The following ROBO2 variants were observed in gnomAD, a reference collection of about 807,000 sequenced individuals.
The protein encoded by ROBO2 is roundabout guidance receptor 2.
ROBO2 carries 53 observed loss-of-function variants against 160.8 expected under a neutral mutation model. The ratio of observed to expected loss-of-function variants is 0.33; its 90% CI spans 0.26 to 0.41. The LOEUF (loss-of-function observed/expected upper bound fraction) is 0.41, where lower values mean the gene tolerates loss of function less well. ROBO2 is among the 10% of genes least tolerant of loss of function. The probability of loss-of-function intolerance (pLI) is 1.00; values close to 1 mark genes in which losing one functional copy is unlikely to be tolerated. For synonymous variants in ROBO2, 664 were observed against 611.7 expected (o/e 1.09, Z -1.26); for missense variants, 1,577 against 1,722.4 (o/e 0.92, Z 1.49).
At chr3:77,098,188 G>A (rs905745028) in exon 2 of ROBO2, 18 of 1,614,110 alleles carry the variant, frequency 1.1e-5, no homozygotes, top group Non-Finnish European at 1.5e-5. Context: ...GACGATCCCC[G>A]GTCCCACAGG....
intron 2 of ROBO2, among the ~76,000 whole-genome samples, chr3:76,535,491 G>T (rs1350155207): frequency 1.3e-5 from 2 of 152,060 alleles, no homozygotes; most frequent in Non-Finnish European, 2.9e-5. Flanking sequence ...TCCCATACTT[G>T]CAGATTGAGG....
intron 2 of ROBO2, among the ~76,000 whole-genome samples, chr3:76,500,820 C>A (rs2080421330): frequency 6.6e-6 from 1 of 152,010 alleles, no homozygotes; most frequent in Admixed American, 6.6e-5. Context: ...TAATTTTGAA[C>A]AAGGGAAGAA....
At chr3:77,521,014 A>G (rs1187308731) in intron 5 of ROBO2, among the ~76,000 whole-genome samples, 1 of 151,264 alleles carries the variant, frequency 6.6e-6, no homozygotes, top group African/African-American at 2.4e-5. Context: ...AGGAAACAAG[A>G]TATGTATCAT....
intron 2 of ROBO2, among the ~76,000 whole-genome samples, chr3:76,635,225 G>C (rs1432403895): frequency 2.0e-5 from 3 of 152,140 alleles, no homozygotes; most frequent in South Asian, 2.1e-4. Context: ...CACTGATGCT[G>C]TCTGGCTCTT....
chr3:76,542,580 TG>T (rs1387980237), intron 2 of ROBO2, among the ~76,000 whole-genome samples: 1 of 152,230 alleles, frequency 6.6e-6, no homozygotes, highest in Non-Finnish European at 1.5e-5. Flanking sequence ...AACCTAAGGC[TG>T]AGTTCAAGTC....
At chr3:76,363,255 A>G (rs2075628398) in intron 2 of ROBO2, among the ~76,000 whole-genome samples, 1 of 151,970 alleles carries the variant, frequency 6.6e-6, no homozygotes, top group African/African-American at 2.4e-5. Flanking sequence ...TCAGTATCAC[A>G]TTGAATTTAT....
At chr3:77,178,371 G>A (rs2080361422) in intron 2 of ROBO2, among the ~76,000 whole-genome samples, 1 of 152,094 alleles carries the variant, frequency 6.6e-6, no homozygotes, top group Non-Finnish European at 1.5e-5. Context: ...TTTTGTTGAT[G>A]CCTAGATGGT....
At chr3:77,013,002 T>A (rs1308619538) in intron 2 of ROBO2, among the ~76,000 whole-genome samples, 1 of 152,190 alleles carries the variant, frequency 6.6e-6, no homozygotes, top group Non-Finnish European at 1.5e-5. Flanking sequence ...TGTTTTAATT[T>A]TGATCTTGAC....
chr3:77,167,394 G>A (rs2079195073), intron 2 of ROBO2, among the ~76,000 whole-genome samples: 2 of 152,166 alleles, frequency 1.3e-5, no homozygotes, highest in Middle Eastern at 3.4e-3. Context: ...CTCTAATTTA[G>A]ACTTCCAAGT....
Position 76,450,140 on chromosome 3 carries a change from G to A in ROBO2, c.109+512538G>A, listed in dbSNP as rs143411328. On this transcript the variant is annotated intron_variant, in intron 2 of 26. Transcript: ENST00000487694. ...TCTCCTTACAAGTATTCTTAGCCCTGTGGTTTTATGTTTTTCAATGCTGAT... is the reference window on the plus strand; with the variant it reads ...TCTCCTTACAAGTATTCTTAGCCCTATGGTTTTATGTTTTTCAATGCTGAT... Among the ~76,000 whole-genome samples the A allele has an allele frequency of 6.9e-3, 1,047 of 152,216 alleles. 9 individuals are homozygous for A. Among genetic ancestry groups the A allele is most frequent in the Non-Finnish European group, 0.012 (801 of 68,002 alleles).
At chr3:76,893,791 C>T (rs1336014280) in intron 2 of ROBO2, among the ~76,000 whole-genome samples, 1 of 151,950 alleles carries the variant, frequency 6.6e-6, no homozygotes, top group Admixed American at 6.6e-5. Context: ...TATGTTTATG[C>T]CCATTAACCT....
At chr3:76,580,334 T>C (rs2085596967) in intron 2 of ROBO2, among the ~76,000 whole-genome samples, 1 of 127,812 alleles carries the variant, frequency 7.8e-6, no homozygotes, top group Non-Finnish European at 1.6e-5. Flanking sequence ...TTTTGTTTTT[T>C]TTTTTGTGTT....
intron 2 of ROBO2, among the ~76,000 whole-genome samples, chr3:76,928,275 T>TC (rs940470203): frequency 2.6e-5 from 4 of 151,880 alleles, no homozygotes; most frequent in African/African-American, 9.7e-5. Context: ...GGGAACAAAT[T>TC]CCCCCCAGAG....
chr3:77,487,136 A>C (rs1421327549), intron 4 of ROBO2, among the ~76,000 whole-genome samples: 1 of 152,144 alleles, frequency 6.6e-6, no homozygotes, highest in Non-Finnish European at 1.5e-5. Flanking sequence ...ACGCTATGAG[A>C]GAAGATCCTT....
In ROBO2 at chr3:76,061,753, A is replaced by G. The variant is rs9870566; in HGVS notation, c.109+124151A>G. On this transcript the variant is annotated intron_variant, in intron 2 of 26. Coordinates refer to the ROBO2 transcript ENST00000487694. ...TAAAACCCCACAGATCCATTATCTTATAATTATGTAGCCTAGAAATTCAAC... is the reference window on the plus strand; with the variant it reads ...TAAAACCCCACAGATCCATTATCTTGTAATTATGTAGCCTAGAAATTCAAC... Among the ~76,000 whole-genome samples the G allele has an allele frequency of 7.0e-3, 1,067 of 152,176 alleles. 13 individuals carry two copies. The highest frequency in any genetic ancestry group is 0.025 in the African/African-American group (1,034 of 41,512).
intron 2 of ROBO2, among the ~76,000 whole-genome samples, chr3:76,481,340 T>C (rs1040965710): frequency 6.6e-6 from 1 of 152,112 alleles, no homozygotes; most frequent in African/African-American, 2.4e-5. Context: ...AAAGAAACCA[T>C]TTTGAAATTG....
intron 2 of ROBO2, among the ~76,000 whole-genome samples, chr3:76,011,904 G>A (rs1189098509): frequency 6.6e-6 from 1 of 152,086 alleles, no homozygotes; most frequent in Admixed American, 6.6e-5. Flanking sequence ...ATTGTTTCCA[G>A]TCATCCCCCT....
At chr3:77,470,690 A>G (rs1325874856) in intron 2 of ROBO2, among the ~76,000 whole-genome samples, 2 of 152,232 alleles carry the variant, frequency 1.3e-5, no homozygotes, top group Non-Finnish European at 2.9e-5. Flanking sequence ...AAATCAGCAC[A>G]TAATTACATA....
chr3:77,227,322 C>T (rs1271719458), intron 2 of ROBO2, among the ~76,000 whole-genome samples: 1 of 152,064 alleles, frequency 6.6e-6, no homozygotes, highest in Non-Finnish European at 1.5e-5. Context: ...CATTATACAA[C>T]TTTTTCATTT....
Sources: allele counts gnomAD v4.1 joint callset (sites outside exome capture counted in the v4.1 genomes callset), GRCh38; gene constraint gnomAD v4.1.1; transcripts MANE v1.5; gene names NCBI Gene and HGNC (gene_info 2026-07-23, HGNC 2026-07-21).